The following PRKN variants were observed in gnomAD, a reference collection of about 807,000 sequenced individuals.
PRKN encodes E3 ubiquitin-protein ligase parkin.
Under a neutral mutation model 59.5 loss-of-function variants are expected in PRKN, and 56 were observed. That is an observed-to-expected ratio of 0.94 (90% CI 0.76 to 1.18). The LOEUF (loss-of-function observed/expected upper bound fraction) is 1.18, where lower values mean the gene tolerates loss of function less well. Among genes scored for constraint, PRKN ranks in the 50% most tolerant of loss-of-function variants. The pLI, the probability that PRKN is intolerant of heterozygous loss-of-function variation, is 0.00. For missense variants in PRKN, 657 were observed against 596.4 expected, an observed-to-expected ratio of 1.10 and a Z score of -1.06; for synonymous variants, 250 against 222.1, an observed-to-expected ratio of 1.13 and a Z score of -1.12.
At chr6:161,746,144 C>A (rs562209458) in intron 7 of PRKN, among the ~76,000 whole-genome samples, 1 of 152,192 alleles carries the variant, frequency 6.6e-6, no homozygotes, top group African/African-American at 2.4e-5. Flanking sequence ...GAAATAAGGG[C>A]CTGGGTGCCC....
At chr6:162,122,331 A>G (rs949654843) in intron 4 of PRKN, among the ~76,000 whole-genome samples, 4 of 152,216 alleles carry the variant, frequency 2.6e-5, no homozygotes, top group Non-Finnish European at 5.9e-5. Flanking sequence ...AACAGGGCAC[A>G]GTTCTCCCAG....
chr6:161,798,147 G>T (rs1048435184), intron 6 of PRKN, among the ~76,000 whole-genome samples: 3 of 152,216 alleles, frequency 2.0e-5, no homozygotes, highest in African/African-American at 2.4e-5. Context: ...GTTGCAGTGA[G>T]CTGAGATCGC....
At chr6:162,571,323 CAAAAAAA>C (rs67519540) in intron 1 of PRKN, 1 of 118,988 alleles carries the variant, frequency 8.4e-6, no homozygotes, top group African/African-American at 3.0e-5. Context: ...AAACTCATTT[CAAAAAAA>C]AAAAAAAAAG....
At chr6:161,596,417 T>C (rs1197494668) in intron 7 of PRKN, among the ~76,000 whole-genome samples, 1 of 152,234 alleles carries the variant, frequency 6.6e-6, no homozygotes, top group African/African-American at 2.4e-5. Context: ...GCTTATTGTA[T>C]AGGAAAACAA....
intron 7 of PRKN, among the ~76,000 whole-genome samples, chr6:161,699,388 T>G (rs1430132784): frequency 1.3e-5 from 2 of 152,146 alleles, no homozygotes; most frequent in African/African-American, 4.8e-5. Context: ...AAGTTGTAAA[T>G]AGTCATAACA....
At chr6:161,724,474 T>A (rs1248024993) in intron 7 of PRKN, among the ~76,000 whole-genome samples, 1 of 152,214 alleles carries the variant, frequency 6.6e-6, no homozygotes, top group Non-Finnish European at 1.5e-5. Context: ...TAGTGTGAAT[T>A]GGAAAGCTGA....
chr6:162,299,178 A>G (rs1182332239), intron 2 of PRKN, among the ~76,000 whole-genome samples: 2 of 152,214 alleles, frequency 1.3e-5, no homozygotes, highest in Non-Finnish European at 2.9e-5. Flanking sequence ...CGCATCAGGC[A>G]TCTCAGCCCC....
At chr6:161,857,079 A>G (rs540515408) in intron 6 of PRKN, among the ~76,000 whole-genome samples, 1 of 152,064 alleles carries the variant, frequency 6.6e-6, no homozygotes, top group East Asian at 1.9e-4. Context: ...AAATACAAAA[A>G]TTAGCTGGGC....
intron 6 of PRKN, among the ~76,000 whole-genome samples, chr6:161,941,085 G>A (rs1314497643): frequency 2.0e-5 from 3 of 152,238 alleles, no homozygotes; most frequent in Admixed American, 6.5e-5. Context: ...GCTGGGTAGA[G>A]GAGGGCATGG....
chr6:162,277,195 A>G (rs1384833999), intron 2 of PRKN, among the ~76,000 whole-genome samples: 1 of 152,178 alleles, frequency 6.6e-6, no homozygotes, highest in Non-Finnish European at 1.5e-5. Flanking sequence ...GGGAATCGGG[A>G]TTTTGGCAGT....
chr6:161,856,941 C>A (rs1161215601), intron 6 of PRKN, among the ~76,000 whole-genome samples: 5 of 140,930 alleles, frequency 3.5e-5, no homozygotes, highest in African/African-American at 1.3e-4. Flanking sequence ...AAAAAGTTGA[C>A]ATTTTTTTCT....
At chr6:162,471,685 T>A (rs1036607994) in intron 1 of PRKN, among the ~76,000 whole-genome samples, 2 of 152,220 alleles carry the variant, frequency 1.3e-5, no homozygotes, top group African/African-American at 4.8e-5. Flanking sequence ...AATTCATAAA[T>A]TATACAGAAG....
intron 1 of PRKN, among the ~76,000 whole-genome samples, chr6:162,516,679 CTT>C (rs1236294609): frequency 6.6e-6 from 1 of 150,940 alleles, no homozygotes. Flanking sequence ...ATGAGAATCA[CTT>C]GAGTTCGGGA....
At chr6:162,697,292 A>G (rs1018435581) in intron 1 of PRKN, among the ~76,000 whole-genome samples, 2 of 152,214 alleles carry the variant, frequency 1.3e-5, no homozygotes, top group African/African-American at 2.4e-5. Flanking sequence ...ACATACATCA[A>G]TGAAAATAAA....
intron 6 of PRKN, among the ~76,000 whole-genome samples, chr6:161,812,496 A>T (rs1190455322): frequency 5.9e-5 from 9 of 152,208 alleles, no homozygotes; most frequent in African/African-American, 2.2e-4. Flanking sequence ...ACCTATGTTG[A>T]GAGTATACAT....
At chr6:161,464,334 A>G (rs1048239777) in intron 9 of PRKN, among the ~76,000 whole-genome samples, 13 of 152,152 alleles carry the variant, frequency 8.5e-5, no homozygotes, top group African/African-American at 3.1e-4. Flanking sequence ...CAAGCCAGGG[A>G]TTGGATTGGG....
intron 7 of PRKN, among the ~76,000 whole-genome samples, chr6:161,768,179 G>A (rs1789511737): frequency 6.6e-6 from 1 of 152,030 alleles, no homozygotes; most frequent in South Asian, 2.1e-4. Flanking sequence ...GGGAAGTTAG[G>A]GTATTCCTTC....
At chr6:162,331,589 G>A (rs1372045461) in intron 2 of PRKN, among the ~76,000 whole-genome samples, 1 of 152,078 alleles carries the variant, frequency 6.6e-6, no homozygotes, top group Non-Finnish European at 1.5e-5. Context: ...ATGTGAGCTT[G>A]GTGGACACCA....
intron 1 of PRKN, among the ~76,000 whole-genome samples, chr6:162,712,378 T>C (rs1320567031): frequency 6.6e-6 from 1 of 152,150 alleles, no homozygotes; most frequent in Non-Finnish European, 1.5e-5. Context: ...ACAAAGAGCA[T>C]AGGTACTGCT....
Sources: allele counts gnomAD v4.1 joint callset (sites outside exome capture counted in the v4.1 genomes callset), GRCh38; gene constraint gnomAD v4.1.1; transcripts MANE v1.5; gene names NCBI Gene and HGNC (gene_info 2026-07-23, HGNC 2026-07-21).